PEX5L: variants seen among roughly 807,000 people sequenced by gnomAD.
PEX5L encodes PEX5-related protein.
Under a neutral mutation model 84.0 loss-of-function variants are expected in PEX5L, and 30 were observed. That is an observed-to-expected ratio of 0.36 (90% confidence interval 0.27 to 0.48). The LOEUF is 0.48. PEX5L is among the 20% of genes least tolerant of loss of function. PEX5L has a pLI of 0.99. For missense variants in PEX5L, 533 were observed against 754.6 expected (o/e 0.71, Z 3.44); for synonymous variants, 270 against 283.1 (o/e 0.95, Z 0.46).
chr3:179,920,849 T>A (rs760356596), intron 2 of PEX5L, among the ~76,000 whole-genome samples: 11 of 152,202 alleles, frequency 7.2e-5, no homozygotes, highest in Non-Finnish European at 1.5e-4. Flanking sequence ...TGCTACATAA[T>A]GGATATAAGT....
intron 8 of PEX5L, among the ~76,000 whole-genome samples, chr3:179,857,512 GT>G (rs1241914113): frequency 2.6e-5 from 4 of 152,156 alleles, no homozygotes; most frequent in African/African-American, 9.7e-5. Flanking sequence ...TGTGTGTCTG[GT>G]GGGGATAAAC....
At chr3:179,924,767 C>G (rs1357305725) in intron 2 of PEX5L, among the ~76,000 whole-genome samples, 1 of 152,048 alleles carries the variant, frequency 6.6e-6, no homozygotes, top group African/African-American at 2.4e-5. Context: ...CTCCTTATAC[C>G]TTAAGTGTAT....
intron 1 of PEX5L, among the ~76,000 whole-genome samples, chr3:179,987,556 C>G (rs572266502): frequency 6.6e-6 from 1 of 152,166 alleles, no homozygotes; most frequent in Non-Finnish European, 1.5e-5. Flanking sequence ...GGCTTAGCTG[C>G]AGTTCATGGA....
intron 7 of PEX5L, among the ~76,000 whole-genome samples, chr3:179,860,465 C>T (rs1428038441): frequency 6.6e-6 from 1 of 152,222 alleles, no homozygotes; most frequent in Non-Finnish European, 1.5e-5. Context: ...TGGGCCCCAC[C>T]CCAACCAATT....
chr3:179,898,760 A>T (rs1409956936), intron 2 of PEX5L, among the ~76,000 whole-genome samples: 2 of 152,084 alleles, frequency 1.3e-5, no homozygotes, highest in African/African-American at 4.8e-5. Flanking sequence ...ATATCTAAAA[A>T]TCCTCCAGTG....
chr3:179,947,125 G>A (rs1191550824), intron 2 of PEX5L, among the ~76,000 whole-genome samples: 5 of 152,106 alleles, frequency 3.3e-5, no homozygotes, highest in African/African-American at 9.7e-5. Flanking sequence ...GTGAAAGTAC[G>A]CTCATCTGAG....
At chr3:179,985,457 C>T (rs1786727331) in intron 1 of PEX5L, among the ~76,000 whole-genome samples, 1 of 152,128 alleles carries the variant, frequency 6.6e-6, no homozygotes, top group East Asian at 1.9e-4. Flanking sequence ...TTGATCTACA[C>T]CTCAGCTCTA....
intron 1 of PEX5L, among the ~76,000 whole-genome samples, chr3:180,010,714 C>T (rs992634776): frequency 1.3e-5 from 2 of 151,840 alleles, no homozygotes; most frequent in South Asian, 2.1e-4. Flanking sequence ...CAATCTCATA[C>T]ATTTATCTAT....
chr3:179,957,911 C>T (rs970998767), intron 2 of PEX5L, among the ~76,000 whole-genome samples: 3 of 152,096 alleles, frequency 2.0e-5, no homozygotes, highest in African/African-American at 7.2e-5. Context: ...TCAGAATGGG[C>T]ACGTATTTAA....
intron 2 of PEX5L, among the ~76,000 whole-genome samples, chr3:179,949,791 C>T (rs969284659): frequency 1.3e-5 from 2 of 152,174 alleles, no homozygotes; most frequent in Non-Finnish European, 2.9e-5. Flanking sequence ...CCTAGAGGGA[C>T]AGGCATTTAT....
intron 5 of PEX5L, among the ~76,000 whole-genome samples, chr3:179,879,156 G>A (rs763303601): frequency 6.6e-6 from 1 of 152,106 alleles, no homozygotes; most frequent in African/African-American, 2.4e-5. Flanking sequence ...TCACAGCCAG[G>A]GAAGATTCAT....
intron 2 of PEX5L, among the ~76,000 whole-genome samples, chr3:179,942,379 A>C (rs1776379253): frequency 6.6e-6 from 1 of 152,194 alleles, no homozygotes; most frequent in South Asian, 2.1e-4. Context: ...CTGGCGTGGG[A>C]TGTGTCCGCA....
intron 5 of PEX5L, among the ~76,000 whole-genome samples, chr3:179,878,319 G>T (rs989748066): frequency 1.3e-5 from 2 of 151,912 alleles, no homozygotes. Flanking sequence ...TGTCACTATT[G>T]GATCTCTGTA....
At chr3:180,021,900 G>C (rs766074637) in intron 1 of PEX5L, among the ~76,000 whole-genome samples, 5 of 152,128 alleles carry the variant, frequency 3.3e-5, no homozygotes, top group Non-Finnish European at 5.9e-5. Context: ...TGCAGTATAA[G>C]CCACAGGTAA....
intron 2 of PEX5L, among the ~76,000 whole-genome samples, chr3:179,927,107 T>C (rs534867834): frequency 1.3e-5 from 2 of 152,360 alleles, no homozygotes; most frequent in African/African-American, 4.8e-5. Context: ...TAAACAAGTA[T>C]TTACTGAGCA....
chr3:179,904,717 G>A (rs1762550009), intron 2 of PEX5L, among the ~76,000 whole-genome samples: 1 of 152,210 alleles, frequency 6.6e-6, no homozygotes, highest in African/African-American at 2.4e-5. Context: ...AAGGGAGAGT[G>A]AAGTTAAATC....
rs541189230 is a variant in PEX5L at position 180,003,090 on chromosome 3, T to A, written c.22-31425A>T. ...TCATTCTGTGTTATTAACGGAGATGTAAACTGACACAAATCAGGTGAGGAT... is the reference window on the plus strand; with the variant it reads ...TCATTCTGTGTTATTAACGGAGATGAAAACTGACACAAATCAGGTGAGGAT... On this transcript the variant is annotated intron_variant, in intron 1 of 14. Coordinates refer to ENST00000467460, the MANE Select transcript of PEX5L (RefSeq NM_016559.3). Among the ~76,000 whole-genome samples, 4 of 152,316 alleles carry A rather than the reference T, an allele frequency of 2.6e-5. No homozygotes were observed. In the South Asian group the frequency reaches 6.2e-4, roughly 24 times the overall value.
intron 2 of PEX5L, among the ~76,000 whole-genome samples, chr3:179,957,714 G>A (rs1199710724): frequency 2.6e-5 from 4 of 152,182 alleles, no homozygotes; most frequent in African/African-American, 7.2e-5. Context: ...TTTTTCAAAT[G>A]TGGTGGGTAC....
chr3:179,983,967 T>C (rs1222324579), intron 1 of PEX5L, among the ~76,000 whole-genome samples: 1 of 152,060 alleles, frequency 6.6e-6, no homozygotes, highest in Non-Finnish European at 1.5e-5. Flanking sequence ...TGACCAACAC[T>C]AGAATGTTAC....
Sources: allele counts gnomAD v4.1 joint callset (sites outside exome capture counted in the v4.1 genomes callset), GRCh38; gene constraint gnomAD v4.1.1; transcripts MANE v1.5; gene names NCBI Gene and HGNC (gene_info 2026-07-23, HGNC 2026-07-21).